The following MGAT4C variants were observed in gnomAD, a reference collection of about 807,000 sequenced individuals.
MGAT4C encodes MGAT4 family member C.
In MGAT4C, 19 loss-of-function variants were observed where a neutral mutation model predicts 40.1. The observed-to-expected ratio is 0.47, with a 90% confidence interval of 0.33 to 0.70. The LOEUF (loss-of-function observed/expected upper bound fraction) is 0.70, where lower values mean the gene tolerates loss of function less well. Among genes scored for constraint, MGAT4C ranks in the 30% least tolerant of loss-of-function variants. MGAT4C has a pLI of 0.02. For synonymous variants in MGAT4C, 181 were observed against 187.1 expected (o/e 0.97, Z 0.27); for missense variants, 491 against 563.2 (o/e 0.87, Z 1.30).
intron 1 of MGAT4C, among the ~76,000 whole-genome samples, chr12:86,125,340 C>T (rs1880061355): frequency 6.6e-6 from 1 of 152,132 alleles, no homozygotes. Context: ...TGCTACATCC[C>T]ACACAGGGAA....
intron 1 of MGAT4C, among the ~76,000 whole-genome samples, chr12:86,135,630 C>A (rs1881837146): frequency 6.6e-6 from 1 of 152,072 alleles, no homozygotes; most frequent in African/African-American, 2.4e-5. Flanking sequence ...TATTTATTTT[C>A]TTTTTCCGCA....
intron 2 of MGAT4C, among the ~76,000 whole-genome samples, chr12:86,672,663 A>T (rs1334714848): frequency 6.6e-6 from 1 of 152,166 alleles, no homozygotes; most frequent in Non-Finnish European, 1.5e-5. Flanking sequence ...AATAAATTAA[A>T]ACCAAATACT....
chr12:86,046,499 C>T (rs1486584189), intron 2 of MGAT4C, among the ~76,000 whole-genome samples: 3 of 152,128 alleles, frequency 2.0e-5, no homozygotes, highest in Admixed American at 1.3e-4. Context: ...CTTTAGACAA[C>T]CCAATAGCTG....
chr12:86,587,240 T>C (rs1961089378), intron 2 of MGAT4C, among the ~76,000 whole-genome samples: 1 of 152,012 alleles, frequency 6.6e-6, no homozygotes. Flanking sequence ...TTTTCTCAGG[T>C]TTGTCAAAGA....
chr12:86,547,685 G>A (rs1959203858), intron 2 of MGAT4C, among the ~76,000 whole-genome samples: 1 of 152,090 alleles, frequency 6.6e-6, no homozygotes, highest in Admixed American at 6.6e-5. Flanking sequence ...AGAGTTAAAT[G>A]ATCTGAATAT....
chr12:86,372,843 C>T (rs1384924022), intron 3 of MGAT4C, among the ~76,000 whole-genome samples: 1 of 151,554 alleles, frequency 6.6e-6, no homozygotes, highest in Non-Finnish European at 1.5e-5. Context: ...ATTTGTCACA[C>T]CCAAACTATC....
At chr12:86,371,945 T>A (rs1393590555) in intron 3 of MGAT4C, among the ~76,000 whole-genome samples, 9 of 152,090 alleles carry the variant, frequency 5.9e-5, no homozygotes, top group East Asian at 3.9e-4. Context: ...TCCTGGAGGA[T>A]ACTTCTACAT....
In MGAT4C at chr12:85,997,499, T is replaced by C. The variant is rs529199263; in HGVS notation, c.-6-7947A>G. Among the ~76,000 whole-genome samples, 61 of 152,266 alleles carry C rather than the reference T, an allele frequency of 4.0e-4. 1 individual carries two copies. Among genetic ancestry groups the C allele is most frequent in the Admixed American group, 3.0e-3 (46 of 15,300 alleles). The stretch of plus-strand genomic sequence containing the variant: ...CTCATCCGAGACAAGGCAAGTACCT[T>C]CAGCCTATGAGACTGTAAAATCAAA... On this transcript the variant is annotated intron_variant, in intron 2 of 4. Transcript: ENST00000611864.
intron 1 of MGAT4C, among the ~76,000 whole-genome samples, chr12:86,223,294 G>A (rs1170216897): frequency 6.6e-6 from 1 of 152,166 alleles, no homozygotes; most frequent in Non-Finnish European, 1.5e-5. Flanking sequence ...ATCCTCCCTA[G>A]TGGCAAGTCC....
chr12:86,513,949 T>A (rs1313037282), intron 2 of MGAT4C, among the ~76,000 whole-genome samples: 3 of 151,912 alleles, frequency 2.0e-5, no homozygotes, highest in African/African-American at 7.3e-5. Context: ...CATAAAGGAT[T>A]TGAAGCCCTC....
At chr12:86,162,331 C>A (rs148994280) in intron 1 of MGAT4C, among the ~76,000 whole-genome samples, 2 of 152,216 alleles carry the variant, frequency 1.3e-5, no homozygotes, top group African/African-American at 4.8e-5. Flanking sequence ...AGAATGAAAT[C>A]ATGTCTTTGC....
At chr12:86,790,621 G>A (rs1450642388) in intron 1 of MGAT4C, among the ~76,000 whole-genome samples, 2 of 152,022 alleles carry the variant, frequency 1.3e-5, no homozygotes, top group Non-Finnish European at 2.9e-5. Context: ...AGTTTTGAAG[G>A]TATATCTCTG....
At chr12:86,413,268 T>A (rs920658299) in intron 3 of MGAT4C, among the ~76,000 whole-genome samples, 3 of 152,060 alleles carry the variant, frequency 2.0e-5, no homozygotes, top group African/African-American at 7.2e-5. Context: ...AGAAGAGGGA[T>A]AGATGACTTC....
At chr12:86,743,757 C>T (rs145194494) in intron 1 of MGAT4C, among the ~76,000 whole-genome samples, 121 of 151,756 alleles carry the variant, frequency 8.0e-4, no homozygotes, top group African/African-American at 2.7e-3. Flanking sequence ...AGGATTACTA[C>T]TTAGACAGCT....
chr12:86,007,834 T>C (rs770152749), intron 2 of MGAT4C, among the ~76,000 whole-genome samples: 8 of 152,036 alleles, frequency 5.3e-5, no homozygotes, highest in African/African-American at 1.9e-4. Context: ...TGCTTTCTTC[T>C]AGAGGCTTTA....
intron 1 of MGAT4C, among the ~76,000 whole-genome samples, chr12:86,160,788 A>C (rs750983199): frequency 4.6e-5 from 7 of 152,044 alleles, no homozygotes; most frequent in Non-Finnish European, 8.8e-5. Flanking sequence ...AGGATACTTA[A>C]GGCTTCTTAC....
chr12:86,256,532 C>A (rs779570589), upstream of MGAT4C: 4 of 152,130 alleles, frequency 2.6e-5, no homozygotes, highest in Non-Finnish European at 4.4e-5. Context: ...ATGCACATTT[C>A]TGACTATAAT....
rs988261947 is a variant in MGAT4C at position 86,203,054 on chromosome 12, G to T, written c.-57+53185C>A. Among the ~76,000 whole-genome samples, 11 of 131,974 alleles carry T rather than the reference G, an allele frequency of 8.3e-5. No homozygotes were observed. The East Asian group carries it at 1.3e-3, about 16-fold the overall frequency. 86.6% of individuals were successfully genotyped at this position (131,974 alleles called of 152,430 possible). ...TGTGTGTGTGTGTGTGTGTGTGTGTGTTTTTACATAGCTAGTACATTTTTT... is the reference window on the plus strand; with the variant it reads ...TGTGTGTGTGTGTGTGTGTGTGTGTTTTTTTACATAGCTAGTACATTTTTT... On this transcript the variant is annotated intron_variant, in intron 1 of 4. Transcript: ENST00000611864.
chr12:86,077,058 C>T (rs1005568585), intron 1 of MGAT4C, among the ~76,000 whole-genome samples: 1 of 152,114 alleles, frequency 6.6e-6, no homozygotes, highest in African/African-American at 2.4e-5. Context: ...TTGTGCCCAC[C>T]TAGATTAAGG....
Sources: allele counts gnomAD v4.1 joint callset (sites outside exome capture counted in the v4.1 genomes callset), GRCh38; gene constraint gnomAD v4.1.1; transcripts MANE v1.5; gene names NCBI Gene and HGNC (gene_info 2026-07-23, HGNC 2026-07-21).